Variants in WWP1 observed in about 807,000 individuals in gnomAD.
The protein encoded by WWP1 is WW domain containing E3 ubiquitin protein ligase 1.
In WWP1, 49 loss-of-function variants were observed where a neutral mutation model predicts 130.6. That is an observed-to-expected ratio of 0.38 (90% CI 0.30 to 0.48). WWP1 has a LOEUF of 0.48. WWP1 is among the 20% of genes least tolerant of loss of function. WWP1 has a pLI of 0.99. For synonymous variants in WWP1, 332 were observed against 367.8 expected (o/e 0.90, Z 1.11); for missense variants, 809 against 1,100.6 (o/e 0.74, Z 3.75).
intron 24 of WWP1, among the ~76,000 whole-genome samples, chr8:86,462,804 TGC>T (rs780378522): frequency 1.3e-5 from 2 of 152,126 alleles, no homozygotes; most frequent in East Asian, 3.9e-4. Context: ...AACCTGCTTG[TGC>T]CTTAGCACAA....
intron 22 of WWP1, among the ~76,000 whole-genome samples, chr8:86,459,941 T>C (rs1811669418): frequency 6.6e-6 from 1 of 152,246 alleles, no homozygotes; most frequent in African/African-American, 2.4e-5. Context: ...AATATGTGCC[T>C]CAGCACAATT....
chr8:86,456,647 C>T (rs529006500), intron 21 of WWP1, among the ~76,000 whole-genome samples: 1 of 151,962 alleles, frequency 6.6e-6, no homozygotes, highest in Admixed American at 6.6e-5. Context: ...AAGACTCATA[C>T]ATACATGTTA....
At chr8:86,361,563 T>C (rs1250966532) in intron 1 of WWP1, among the ~76,000 whole-genome samples, 2 of 152,124 alleles carry the variant, frequency 1.3e-5, no homozygotes, top group Admixed American at 1.3e-4. Flanking sequence ...TCTCTTAGAT[T>C]TCTCTCCCCA....
At chr8:86,418,845 C>A (rs112291292) in intron 9 of WWP1, among the ~76,000 whole-genome samples, 23 of 152,146 alleles carry the variant, frequency 1.5e-4, no homozygotes, top group African/African-American at 5.5e-4. Flanking sequence ...AACACAGATC[C>A]CAGAATATTG....
At chr8:86,361,895 G>A (rs538177054) in intron 1 of WWP1, among the ~76,000 whole-genome samples, 3 of 151,126 alleles carry the variant, frequency 2.0e-5, no homozygotes, top group African/African-American at 7.3e-5. Context: ...AACTCACTGA[G>A]AGCAAAGAGC....
chr8:86,389,925 C>A (rs1399593816), intron 5 of WWP1, among the ~76,000 whole-genome samples: 1 of 151,764 alleles, frequency 6.6e-6, no homozygotes, highest in Non-Finnish European at 1.5e-5. Context: ...GGAGACGCTC[C>A]TCACTTCCCG....
chr8:86,398,049 A>T (rs1317285780), intron 5 of WWP1, among the ~76,000 whole-genome samples: 1 of 152,236 alleles, frequency 6.6e-6, no homozygotes, highest in African/African-American at 2.4e-5. Flanking sequence ...CACAAGAGTC[A>T]TCTGTGGTAC....
At chr8:86,439,842 T>TCATAGA (rs1357163976) in intron 17 of WWP1, among the ~76,000 whole-genome samples, 2 of 152,214 alleles carry the variant, frequency 1.3e-5, no homozygotes, top group Non-Finnish European at 2.9e-5. Flanking sequence ...AACTTGCTTT[T>TCATAGA]CATAGAAACA....
At position 86,375,507 on chromosome 8, in the gene WWP1, C is replaced by T. The variant is rs145405148; in HGVS notation, c.70+1387C>T. 1.1e-3 allele frequency among the ~76,000 whole-genome samples: 172 copies of T among 152,202 alleles called. 1 individual carries two copies. Among genetic ancestry groups the T allele is most frequent in the African/African-American group, 3.7e-3 (155 of 41,538 alleles). Reference sequence around the variant, plus strand: ...TATAAGCAGATACATGTGCAGTATACGTATCTCATCTCTCCTCTTAATCTC... The same window carrying T: ...TATAAGCAGATACATGTGCAGTATATGTATCTCATCTCTCCTCTTAATCTC... On this transcript the variant is annotated intron_variant, in intron 3 of 24. Transcript: ENST00000517970.
intron 8 of WWP1, among the ~76,000 whole-genome samples, chr8:86,409,378 C>G (rs1261708675): frequency 6.7e-6 from 1 of 150,266 alleles, no homozygotes; most frequent in Admixed American, 6.6e-5. Flanking sequence ...GGATTACAGG[C>G]ACACAACCAC....
chr8:86,386,092 A>G (rs1825268062), intron 5 of WWP1, among the ~76,000 whole-genome samples: 1 of 152,104 alleles, frequency 6.6e-6, no homozygotes, highest in Admixed American at 6.5e-5. Flanking sequence ...TTACATCTTC[A>G]TACCCTGACT....
chr8:86,422,643 G>A (rs550530499), intron 9 of WWP1, among the ~76,000 whole-genome samples: 2 of 152,000 alleles, frequency 1.3e-5, no homozygotes, highest in South Asian at 4.2e-4. Context: ...AAAGTGCTGG[G>A]ATTACAGGTG....
chr8:86,403,482 A>G (rs1270312467), intron 8 of WWP1, among the ~76,000 whole-genome samples: 2 of 151,948 alleles, frequency 1.3e-5, no homozygotes, highest in African/African-American at 4.8e-5. Flanking sequence ...TTTAGTAGAG[A>G]TAGGGTTTCA....
At chr8:86,362,338 A>T (rs1823717590) in intron 1 of WWP1, among the ~76,000 whole-genome samples, 1 of 150,440 alleles carries the variant, frequency 6.6e-6, no homozygotes. Flanking sequence ...AGTATTTTTC[A>T]GGGAGAGAAT....
chr8:86,393,799 A>C (rs948435655), intron 5 of WWP1, among the ~76,000 whole-genome samples: 1 of 152,214 alleles, frequency 6.6e-6, no homozygotes, highest in Non-Finnish European at 1.5e-5. Context: ...TCTGGGTTCC[A>C]ACACCCTTCT....
intron 22 of WWP1, among the ~76,000 whole-genome samples, chr8:86,460,904 G>T (rs1267036955): frequency 1.4e-5 from 2 of 138,234 alleles, no homozygotes; most frequent in Non-Finnish European, 3.1e-5. Flanking sequence ...CCACCTCCCG[G>T]GTTCACGCCA....
intron 22 of WWP1, among the ~76,000 whole-genome samples, chr8:86,460,189 G>C (rs1193703039): frequency 6.6e-6 from 1 of 152,166 alleles, no homozygotes; most frequent in Non-Finnish European, 1.5e-5. Flanking sequence ...TGGTTTTTCA[G>C]GTACTAGTCA....
intron 10 of WWP1, among the ~76,000 whole-genome samples, chr8:86,427,370 A>G (rs1194949134): frequency 6.6e-6 from 1 of 152,124 alleles, no homozygotes; most frequent in Non-Finnish European, 1.5e-5. Flanking sequence ...CACGTTCTAC[A>G]CATGTATCCC....
At position 86,398,337 on chromosome 8, in the gene WWP1, T is replaced by C; in HGVS notation, c.335-5T>C. 6.3e-7 allele frequency: 1 copy of C among 1,578,022 alleles called. No individual in the cohort carries two copies. The highest frequency in any genetic ancestry group is 8.6e-7 in the Non-Finnish European group (1 of 1,162,294). On this transcript the variant is annotated splice_region_variant and splice_polypyrimidine_tract_variant and intron_variant, in intron 5 of 24. Transcript: ENST00000517970. ...GCTTTTAAATTAGAATATTCTTCTT[T>C]CTAGTGGAAAGAGTGAAAGAACAAT... is the stretch of plus-strand genomic sequence containing the variant.
Sources: gnomAD v4.1 joint callset for allele counts (sites outside exome capture counted in the v4.1 genomes callset) on GRCh38, gnomAD v4.1.1 for gene constraint, MANE v1.5 for transcripts, NCBI Gene and HGNC (gene_info 2026-07-23, HGNC 2026-07-21) for gene names.